DIAPH3: variants seen among roughly 807,000 people sequenced by gnomAD.
DIAPH3 encodes the protein diaphanous related formin 3.
Under a neutral mutation model 144.3 loss-of-function variants are expected in DIAPH3, and 117 were observed. The observed-to-expected ratio is 0.81, with a 90% CI of 0.70 to 0.95. The LOEUF (loss-of-function observed/expected upper bound fraction) is 0.95, where lower values mean the gene tolerates loss of function less well. DIAPH3 is among the 40% of genes least tolerant of loss of function. DIAPH3 has a pLI of 0.00. For synonymous variants in DIAPH3, 519 were observed against 488.9 expected, an observed-to-expected ratio of 1.06 and a Z score of -0.81; for missense variants, 1,421 against 1,412.7, an observed-to-expected ratio of 1.01 and a Z score of -0.09.
chr13:59,979,905 T>G (rs572202936), intron 14 of DIAPH3, among the ~76,000 whole-genome samples: 4 of 151,764 alleles, frequency 2.6e-5, no homozygotes, highest in African/African-American at 7.2e-5. Flanking sequence ...TCAGATTGAC[T>G]ATTTAAAATG....
intron 8 of DIAPH3, among the ~76,000 whole-genome samples, chr13:60,008,916 A>T (rs2053057805): frequency 6.6e-6 from 1 of 152,180 alleles, no homozygotes; most frequent in Admixed American, 6.6e-5. Flanking sequence ...CTTTACAAAC[A>T]TCAACTCATT....
intron 4 of DIAPH3, among the ~76,000 whole-genome samples, chr13:60,078,936 A>T (rs7333667): frequency 0.037 from 5,587 of 152,042 alleles, 138 homozygotes; most frequent in East Asian, 0.075. Flanking sequence ...ACATGAATGA[A>T]GCCAGGATTA....
chr13:60,114,642 GACACACAC>G lies in DIAPH3; in HGVS notation c.214-2464_214-2457del, dbSNP rs34572381. Among the ~76,000 whole-genome samples the G allele has an allele frequency of 8.7e-4, 129 of 148,108 alleles. 1 individual carries two copies. Among genetic ancestry groups the G allele is most frequent in the African/African-American group, 1.2e-3 (50 of 40,428 alleles). ...AGCAAAACCCAAAAAGAATACAAAA[GACACACAC>G]ACACACACACACACACACACACAAA... On this transcript the variant is annotated intron_variant, in intron 2 of 27. Coordinates refer to ENST00000400324, the MANE Select transcript of DIAPH3 (RefSeq NM_001042517.2).
rs188044614 is a variant in DIAPH3, at chr13:59,824,953, A to G, written c.3027+8154T>C. Among the ~76,000 whole-genome samples the G allele has an allele frequency of 1.5e-4, 23 of 152,284 alleles. No homozygotes were observed. The East Asian group carries it at 3.3e-3, about 22-fold the overall frequency. On this transcript the variant is annotated intron_variant, in intron 24 of 27. Coordinates refer to ENST00000400324, the MANE Select transcript of DIAPH3 (RefSeq NM_001042517.2). The stretch of plus-strand genomic sequence containing the variant: ...TCACAGAAATAAAAATGTATTCTAT[A>G]TGAGAACAGGTGATATTGCAAACTC...
At position 60,005,290 on chromosome 13, in the gene DIAPH3, T is replaced by C. The variant is rs2140916719; in HGVS notation, c.1014+3254A>G. On this transcript the variant is annotated intron_variant, in intron 9 of 27. Transcript: ENST00000400324. The stretch of plus-strand genomic sequence containing the variant: ...AATGCATGATTACATTTACGTGAAA[T>C]GTCTGGAATATGCAACTCTATAAAG... 3.3e-5 allele frequency among the ~76,000 whole-genome samples: 5 copies of C among 152,268 alleles called. No individual in the cohort carries two copies. The South Asian group carries it at 1.0e-3, about 32-fold the overall frequency.
chr13:60,158,839 C>T (rs1661837368), intron 1 of DIAPH3, among the ~76,000 whole-genome samples: 1 of 145,992 alleles, frequency 6.8e-6, no homozygotes, highest in African/African-American at 2.5e-5. Flanking sequence ...AGACATCCTG[C>T]TGTCAGAAGT....
intron 2 of DIAPH3, among the ~76,000 whole-genome samples, chr13:60,127,612 T>C (rs1206196873): frequency 6.6e-6 from 1 of 152,154 alleles, no homozygotes; most frequent in African/African-American, 2.4e-5. Flanking sequence ...ATTGTAGTAT[T>C]ACCAAACAAT....
At chr13:60,118,370 A>C (rs1439618575) in intron 2 of DIAPH3, among the ~76,000 whole-genome samples, 3 of 152,210 alleles carry the variant, frequency 2.0e-5, no homozygotes, top group African/African-American at 7.2e-5. Context: ...AGGAAAATAT[A>C]ATTAGTCATC....
intron 4 of DIAPH3, among the ~76,000 whole-genome samples, chr13:60,073,101 G>T (rs547118921): frequency 1.4e-4 from 22 of 152,208 alleles, no homozygotes; most frequent in Middle Eastern, 3.4e-3. Flanking sequence ...CTGAAGTCAG[G>T]AGTTCAAGAC....
intron 27 of DIAPH3, among the ~76,000 whole-genome samples, chr13:59,703,784 T>A (rs1437308946): frequency 6.6e-6 from 1 of 152,168 alleles, no homozygotes; most frequent in Non-Finnish European, 1.5e-5. Context: ...TCTCTTAGCA[T>A]GCCTAGCAGT....
At chr13:59,933,385 T>C (rs1390059141) in intron 17 of DIAPH3, among the ~76,000 whole-genome samples, 3 of 152,130 alleles carry the variant, frequency 2.0e-5, no homozygotes, top group Non-Finnish European at 2.9e-5. Context: ...CCCCCTGTGG[T>C]GACAAAGAAG....
At chr13:60,157,928 T>C (rs554254030) in intron 1 of DIAPH3, among the ~76,000 whole-genome samples, 67 of 152,280 alleles carry the variant, frequency 4.4e-4, no homozygotes, top group Non-Finnish European at 8.2e-4. Context: ...GGCTACCCAT[T>C]TGTGGCTCCT....
intron 27 of DIAPH3, among the ~76,000 whole-genome samples, chr13:59,750,991 C>T (rs976168118): frequency 1.3e-5 from 2 of 152,212 alleles, no homozygotes; most frequent in Non-Finnish European, 2.9e-5. Flanking sequence ...TCAGCACTGT[C>T]GGCTGCTCAA....
chr13:60,008,555 C>T lies in DIAPH3; in HGVS notation c.1003G>A (p.Val335Ile). Residue 335 changes from valine to isoleucine, a missense_variant, in exon 9 of 28, where the codon GTT (valine) becomes ATT (isoleucine). Coordinates refer to ENST00000400324, the MANE Select transcript of DIAPH3 (RefSeq NM_001042517.2). ...CACACAAAACTTACTTGCAGTTGAA[C>T]TGAATTGTGCCGGAGGCCTTCCACA... ...CIVEGLRHNS[V>I]QLQVACMQLI... The T allele has an allele frequency of 2.5e-6, 4 of 1,612,300 alleles. No individual in the cohort carries two copies. The highest frequency in any genetic ancestry group is 2.2e-5 in the East Asian group (1 of 44,816).
At chr13:59,823,591 C>T (rs1593557989) in intron 24 of DIAPH3, among the ~76,000 whole-genome samples, 2 of 152,060 alleles carry the variant, frequency 1.3e-5, no homozygotes, top group African/African-American at 2.4e-5. Context: ...GCTCAACACT[C>T]GACCATAGGA....
intron 25 of DIAPH3, among the ~76,000 whole-genome samples, chr13:59,793,371 C>T (rs1360973052): frequency 2.0e-5 from 3 of 152,214 alleles, no homozygotes; most frequent in South Asian, 4.1e-4. Flanking sequence ...TCCCCTTTGA[C>T]TTCTAAATCC....
Position 59,739,449 on chromosome 13 carries a change from C to T in DIAPH3, c.3319+34740G>A, listed in dbSNP as rs144042303. Reference sequence around the variant, plus strand: ...ATACTAATACCAACATGTGCCCTCACAATACCCTTTTGAGTATTAATGATT... The same window carrying T: ...ATACTAATACCAACATGTGCCCTCATAATACCCTTTTGAGTATTAATGATT... On this transcript the variant is annotated intron_variant, in intron 27 of 27. Transcript: ENST00000400324. Among the ~76,000 whole-genome samples the T allele has an allele frequency of 5.2e-3, 797 of 152,280 alleles. 2 individuals are homozygous for T. Among genetic ancestry groups the T allele is most frequent in the Non-Finnish European group, 8.7e-3 (591 of 68,022 alleles).
At chr13:60,093,601 A>G in intron 4 of DIAPH3, 27 bp downstream of exon 4, 1 of 1,457,856 alleles carries the variant, frequency 6.9e-7, no homozygotes, top group East Asian at 2.3e-5. Context: ...GTTCGGCAGT[A>G]TTTTTCAACT....
At chr13:60,146,864 C>A (rs1951548524) in intron 1 of DIAPH3, among the ~76,000 whole-genome samples, 1 of 152,096 alleles carries the variant, frequency 6.6e-6, no homozygotes, top group Admixed American at 6.5e-5. Flanking sequence ...GGGAAGGCAC[C>A]CATTGATCCT....
Sources: allele counts gnomAD v4.1 joint callset (sites outside exome capture counted in the v4.1 genomes callset), GRCh38; gene constraint gnomAD v4.1.1; transcripts MANE v1.5; gene names NCBI Gene and HGNC (gene_info 2026-07-23, HGNC 2026-07-21).